Variants in PIP5K1C observed in about 807,000 individuals in gnomAD.
The protein encoded by PIP5K1C is phosphatidylinositol-4-phosphate 5-kinase type 1 gamma, also known as phosphatidylinositol 4-phosphate 5-kinase type-1 gamma.
Under a neutral mutation model 80.1 loss-of-function variants are expected in PIP5K1C, and 45 were observed. That is an observed-to-expected ratio of 0.56 (90% confidence interval 0.44 to 0.72). The LOEUF (loss-of-function observed/expected upper bound fraction) is 0.72. Ranked by LOEUF, PIP5K1C falls within the 30% of genes least tolerant of loss-of-function variation. The pLI is 0.00. For missense variants in PIP5K1C, 753 were observed against 954.6 expected, an observed-to-expected ratio of 0.79 and a Z score of 2.78; for synonymous variants, 498 against 420.1, an observed-to-expected ratio of 1.19 and a Z score of -2.27.
At chr19:3,691,004 A>C (rs1192243191) in intron 1 of PIP5K1C, among the ~76,000 whole-genome samples, 2 of 152,174 alleles carry the variant, frequency 1.3e-5, no homozygotes, top group Non-Finnish European at 2.9e-5. Context: ...CTTGATAGAA[A>C]CACAGGTGAC....
At position 3,688,532 on chromosome 19, in the gene PIP5K1C, C is replaced by T. The variant is rs1301822448; in HGVS notation, c.94+11765G>A. Reference sequence around the variant, plus strand: ...CCTCGCCCCCTGGTTTCAACTCCTGCTGTGAGCACCTGGCCTTTCCCTGGT... The same window carrying T: ...CCTCGCCCCCTGGTTTCAACTCCTGTTGTGAGCACCTGGCCTTTCCCTGGT... On this transcript the variant is annotated intron_variant, in intron 1 of 17. Transcript: ENST00000335312. The surrounding 1 kb of genome is among the most constrained non-coding windows in gnomAD (Gnocchi z 5.3). Among the ~76,000 whole-genome samples, 1 of 152,172 alleles carries T rather than the reference C, an allele frequency of 6.6e-6. No homozygotes were observed. Among genetic ancestry groups the T allele is most frequent in the Non-Finnish European group, 1.5e-5 (1 of 68,024 alleles).
intron 16 of PIP5K1C, among the ~76,000 whole-genome samples, chr19:3,635,499 A>AT (rs1218141078): frequency 3.3e-5 from 5 of 152,110 alleles, no homozygotes; most frequent in African/African-American, 1.2e-4. Flanking sequence ...CCTGGCCAAC[A>AT]TGGTAAAACC....
At chr19:3,687,640 CAGAA>C in intron 1 of PIP5K1C, among the ~76,000 whole-genome samples, 1 of 152,274 alleles carries the variant, frequency 6.6e-6, no homozygotes. Context: ...GAGGACACCA[CAGAA>C]CACCTGCGGG....
intron 1 of PIP5K1C, among the ~76,000 whole-genome samples, chr19:3,676,088 C>T (rs1386808800): frequency 1.3e-5 from 2 of 152,204 alleles, no homozygotes; most frequent in South Asian, 2.1e-4. Flanking sequence ...ATGGGGAAAC[C>T]GAGGCTGGGA....
At chr19:3,697,077 A>C (rs559439372) in intron 1 of PIP5K1C, among the ~76,000 whole-genome samples, 1 of 144,176 alleles carries the variant, frequency 6.9e-6, no homozygotes, top group Non-Finnish European at 1.5e-5. Flanking sequence ...AGCTGGACCA[A>C]GGAGGACCGA....
intron 6 of PIP5K1C, among the ~76,000 whole-genome samples, 156 bp from the exon 7 acceptor site, chr19:3,653,745 C>A (rs2034530956): frequency 6.6e-6 from 1 of 152,188 alleles, no homozygotes; most frequent in Non-Finnish European, 1.5e-5. Context: ...TATGCAGGCA[C>A]CCAGCTGGCC....
intron 12 of PIP5K1C, among the ~76,000 whole-genome samples, chr19:3,643,874 C>T (rs909587936): frequency 4.6e-5 from 7 of 152,116 alleles, no homozygotes; most frequent in Non-Finnish European, 8.8e-5. Context: ...GAGCTGTCAC[C>T]ACCCCACCTG....
In PIP5K1C at chr19:3,700,322, C is replaced by A; in HGVS notation, c.69G>T (p.Trp23Cys). ...CTGCCGCCGCCCCGCTCTCTGCCGC[C>A]CACGCCGCCTCCGAGGGCACGGCCC... ...EAGAVPSEAA[W>C]AAESGAAAGL... Residue 23 changes from tryptophan (W) to cysteine (C), a missense_variant, in exon 1 of 18, where the codon TGG becomes TGT. Physicochemically the swap from Trp to Cys is radical, Grantham distance 215. Transcript: ENST00000335312. 7.7e-7 allele frequency: 1 copy of A among 1,296,332 alleles called. No homozygotes were observed. Among genetic ancestry groups the A allele is most frequent in the South Asian group, 1.5e-5 (1 of 66,066 alleles). The allele number at this position is 1,296,332 out of a possible 1,614,324, so 80.3% of individuals were successfully genotyped here. A position where few individuals can be genotyped will look rare whatever the true frequency, so the allele number is the denominator to read the frequency against.
At chr19:3,685,739 A>G (rs1188526204) in intron 1 of PIP5K1C, among the ~76,000 whole-genome samples, 1 of 152,126 alleles carries the variant, frequency 6.6e-6, no homozygotes, top group Non-Finnish European at 1.5e-5. Context: ...CAAAAAAAAA[A>G]AAAAAGTTTT....
intron 1 of PIP5K1C, among the ~76,000 whole-genome samples, chr19:3,699,516 G>A (rs1464230181): frequency 6.6e-6 from 1 of 152,202 alleles, no homozygotes; most frequent in African/African-American, 2.4e-5. Context: ...CGCTGCTGCT[G>A]GCTGCCTGGG....
In PIP5K1C at chr19:3,659,492, C is replaced by T. The variant is rs116803922; in HGVS notation, c.468+1474G>A. Among the ~76,000 whole-genome samples, 1,481 of 152,360 alleles carry T rather than the reference C, an allele frequency of 9.7e-3. 30 individuals carry two copies. Among genetic ancestry groups the T allele is most frequent in the African/African-American group, 0.034 (1,409 of 41,574 alleles). Reference sequence around the variant, plus strand: ...GCTAATGGACACGGGTGCTGTCTCTCTGCTACGAGCCAGGCTGCTGCCTTC... The same window carrying T: ...GCTAATGGACACGGGTGCTGTCTCTTTGCTACGAGCCAGGCTGCTGCCTTC... On this transcript the variant is annotated intron_variant, in intron 5 of 17. Transcript: ENST00000335312.
rs114565059 is a variant in PIP5K1C, at chr19:3,648,073, G to A, written c.1211+552C>T. 0.023 allele frequency among the ~76,000 whole-genome samples: 3,478 copies of A among 152,182 alleles called. 111 individuals carry two copies. Among genetic ancestry groups the A allele is most frequent in the African/African-American group, 0.069 (2,876 of 41,506 alleles). On this transcript the variant is annotated intron_variant, in intron 9 of 17. Coordinates refer to ENST00000335312, the MANE Select transcript of PIP5K1C (RefSeq NM_012398.3). This position sits in a 1 kb window ranked among gnomAD's most constrained non-coding sequence, Gnocchi z 4.3. ...GTCTTGCTCTGTCACCCAGCCTGGG[G>A]TGCAGTACGGCCATCATAGCTCACT...
At chr19:3,639,508 T>C (rs756778616) in intron 15 of PIP5K1C, among the ~76,000 whole-genome samples, 5 of 152,154 alleles carry the variant, frequency 3.3e-5, no homozygotes, top group African/African-American at 4.8e-5. Context: ...CACGGCTCAC[T>C]ACAGCCTCCA....
rs370135372 is a variant in PIP5K1C, at chr19:3,696,331, C to G, written c.94+3966G>C. Among the ~76,000 whole-genome samples the G allele has an allele frequency of 2.0e-5, 3 of 152,218 alleles. No individual in the cohort carries two copies. The highest frequency in any genetic ancestry group is 7.2e-5 in the African/African-American group (3 of 41,452). Reference sequence around the variant, plus strand: ...GAGCTCTTCCGGGCGCAGGGGATGCCGCAGGAGTGGCACAGACGGTCTTGG... The same window carrying G: ...GAGCTCTTCCGGGCGCAGGGGATGCGGCAGGAGTGGCACAGACGGTCTTGG... On this transcript the variant is annotated intron_variant, in intron 1 of 17. Coordinates refer to ENST00000335312, the MANE Select transcript of PIP5K1C (RefSeq NM_012398.3). This position sits in a 1 kb window ranked among gnomAD's most constrained non-coding sequence, Gnocchi z 4.1.
chr19:3,659,286 GA>G (rs2034749060), intron 5 of PIP5K1C, among the ~76,000 whole-genome samples: 1 of 152,200 alleles, frequency 6.6e-6, no homozygotes, highest in African/African-American at 2.4e-5. Flanking sequence ...CTCAGCACCG[GA>G]GGCCCCCAAG....
intron 1 of PIP5K1C, among the ~76,000 whole-genome samples, chr19:3,695,680 G>A (rs1440765254): frequency 3.3e-5 from 5 of 151,364 alleles, no homozygotes; most frequent in African/African-American, 1.2e-4. Flanking sequence ...CTCAGCCTCC[G>A]CCTGGGCCCT....
chr19:3,639,510 C>T (rs369719400), intron 15 of PIP5K1C, among the ~76,000 whole-genome samples: 1 of 152,224 alleles, frequency 6.6e-6, no homozygotes, highest in African/African-American at 2.4e-5. Flanking sequence ...CGGCTCACTA[C>T]AGCCTCCACC....
rs148151131 is a variant in PIP5K1C at position 3,653,485 on chromosome 19, C to A, written c.726G>T (p.Leu242=). 7.5e-5 allele frequency: 121 copies of A among 1,613,860 alleles called. No homozygotes were observed. In the African/African-American group the frequency reaches 1.4e-3, roughly 19 times the overall value. Residue 242 remains leucine, a synonymous_variant, in exon 7 of 18, where the codon CTG becomes CTT. Transcript: ENST00000335312. ...NIRVVVMNNI[L]PRVVKMHLKF... Reference sequence around the variant, plus strand: ...TGAGGTGCATCTTGACCACGCGGGGCAGGATGTTGTTCATGACCACGACGC... The same window carrying A: ...TGAGGTGCATCTTGACCACGCGGGGAAGGATGTTGTTCATGACCACGACGC...
chr19:3,638,223 TC>T (rs2033789535), intron 16 of PIP5K1C, among the ~76,000 whole-genome samples: 1 of 152,046 alleles, frequency 6.6e-6, no homozygotes, highest in Non-Finnish European at 1.5e-5. Context: ...GCCTGGACAT[TC>T]CAGGCCTCGC....
Sources: gnomAD v4.1 joint callset for allele counts (sites outside exome capture counted in the v4.1 genomes callset) on GRCh38, gnomAD v4.1.1 for gene constraint, Gnocchi (gnomAD v3.1) non-coding constraint, MANE v1.5 for transcripts, NCBI Gene and HGNC (gene_info 2026-07-23, HGNC 2026-07-21) for gene names.